LMX1B: variants seen among roughly 807,000 people sequenced by gnomAD.
The protein encoded by LMX1B is LIM homeobox transcription factor 1-beta.
A neutral mutation model predicts 51.4 loss-of-function variants in LMX1B; 12 were observed. That is an observed-to-expected ratio of 0.23 (90% CI 0.15 to 0.38). The LOEUF (loss-of-function observed/expected upper bound fraction) is 0.38. Among genes scored for constraint, LMX1B ranks in the 10% least tolerant of loss-of-function variants. The pLI, the probability that LMX1B is intolerant of heterozygous loss-of-function variation, is 1.00. For synonymous variants in LMX1B, 237 were observed against 235.4 expected (o/e 1.01, Z -0.06); for missense variants, 445 against 571.1 (o/e 0.78, Z 2.25).
In LMX1B at chr9:126,651,171, CCTT is replaced by C. The variant is rs1835997980; in HGVS notation, c.326+35605_326+35607del. Reference sequence around the variant, plus strand: ...CCTCCCCATCTCTCTCTCTCTCCCTCCTTCTCTCCGTGCTGGGGCTGACTGATC... The same window carrying C: ...CCTCCCCATCTCTCTCTCTCTCCCTCCTCTCCGTGCTGGGGCTGACTGATC... On this transcript the variant is annotated intron_variant, in intron 2 of 7. Transcript: ENST00000373474. Among the ~76,000 whole-genome samples the C allele has an allele frequency of 7.9e-5, 12 of 152,064 alleles. No homozygotes were observed. The South Asian group carries it at 2.3e-3, about 29-fold the overall frequency.
chr9:126,623,871 G>A (rs980315851), intron 2 of LMX1B, among the ~76,000 whole-genome samples: 6 of 152,206 alleles, frequency 3.9e-5, no homozygotes, highest in Non-Finnish European at 7.3e-5. Context: ...ACGCGGATGG[G>A]GCGGCTTTCA....
chr9:126,694,600 C>T (rs559942852), intron 6 of LMX1B, among the ~76,000 whole-genome samples: 1 of 152,300 alleles, frequency 6.6e-6, no homozygotes, highest in African/African-American at 2.4e-5. Flanking sequence ...CTGAAGCAGG[C>T]GGGGGACAGA....
chr9:126,635,412 C>A (rs542323062), intron 2 of LMX1B, among the ~76,000 whole-genome samples: 1 of 152,174 alleles, frequency 6.6e-6, no homozygotes, highest in South Asian at 2.1e-4. Context: ...GATGCTATGG[C>A]GAGGGCACTC....
chr9:126,667,455 T>C (rs1836363419), intron 2 of LMX1B, among the ~76,000 whole-genome samples: 1 of 152,246 alleles, frequency 6.6e-6, no homozygotes, highest in South Asian at 2.1e-4. Context: ...CATATATCTT[T>C]GTGCGCATGT....
At chr9:126,637,202 T>G (rs1835729959) in intron 2 of LMX1B, among the ~76,000 whole-genome samples, 1 of 152,212 alleles carries the variant, frequency 6.6e-6, no homozygotes, top group South Asian at 2.1e-4. Flanking sequence ...ACCGGCAGCA[T>G]CTGGAGAGGC....
rs1318353632 is a variant in LMX1B at position 126,698,534 on chromosome 9, C to G, written c.*2083C>G. 1 of 152,352 alleles carries G rather than the reference C, an allele frequency of 6.6e-6. No individual in the cohort carries two copies. The highest frequency in any genetic ancestry group is 1.5e-5 in the Non-Finnish European group (1 of 68,142). The allele number at this position is 152,352 out of a possible 1,614,324, so 9.4% of individuals were successfully genotyped here. On this transcript the variant is annotated 3_prime_UTR_variant, in exon 8 of 8. Transcript: ENST00000373474. Reference sequence around the variant, plus strand: ...CCAGCCCCAGTCTGCTCAACTCTATCCCTGTCAGAGCAAGGAGGCTGGGCT... The same window carrying G: ...CCAGCCCCAGTCTGCTCAACTCTATGCCTGTCAGAGCAAGGAGGCTGGGCT...
chr9:126,640,092 A>T (rs1835781263), intron 2 of LMX1B, among the ~76,000 whole-genome samples: 1 of 152,218 alleles, frequency 6.6e-6, no homozygotes, highest in African/African-American at 2.4e-5. Flanking sequence ...TAGAAAGAAG[A>T]AGGGAGGAGG....
chr9:126,691,096 G>A (rs1411710641), intron 3 of LMX1B, 28 bp downstream of exon 3: 18 of 1,571,010 alleles, frequency 1.1e-5, no homozygotes, highest in Non-Finnish European at 1.6e-5. Context: ...CTGGGGGCAG[G>A]CCTCAGGGAC....
chr9:126,696,883 C>T lies in LMX1B; in HGVS notation c.*432C>T, dbSNP rs2030356784. On this transcript the variant is annotated 3_prime_UTR_variant, in exon 8 of 8. Coordinates refer to ENST00000373474, the MANE Select transcript of LMX1B (RefSeq NM_001174147.2). Reference sequence around the variant, plus strand: ...CTGAGAAGCGTGTGTACCTGTGCCCCAGCAAGGGCAGGGGTGGCCTCTGGG... The same window carrying T: ...CTGAGAAGCGTGTGTACCTGTGCCCTAGCAAGGGCAGGGGTGGCCTCTGGG... 4.6e-6 allele frequency: 1 copy of T among 216,412 alleles called. No individual in the cohort carries two copies. Among genetic ancestry groups the T allele is most frequent in the Admixed American group, 5.2e-5 (1 of 19,052 alleles). The allele number at this position is 216,412 out of a possible 1,614,324, so 13.4% of individuals were successfully genotyped here. A position where few individuals can be genotyped will look rare whatever the true frequency, so the allele number is the denominator to read the frequency against.
rs1836490561 is a variant in LMX1B at position 126,673,160 on chromosome 9, G to A, written c.327-17676G>A. 6.6e-6 allele frequency among the ~76,000 whole-genome samples: 1 copy of A among 152,230 alleles called. No homozygotes were observed. The highest frequency in any genetic ancestry group is 6.5e-5 in the Admixed American group (1 of 15,292). Reference sequence around the variant, plus strand: ...TTGCCTTCCAGGGTCGAGAGGAGATGAGAACTCCAGAAGCTCGGGCCAGAG... The same window carrying A: ...TTGCCTTCCAGGGTCGAGAGGAGATAAGAACTCCAGAAGCTCGGGCCAGAG... On this transcript the variant is annotated intron_variant, in intron 2 of 7. Coordinates refer to ENST00000373474, the MANE Select transcript of LMX1B (RefSeq NM_001174147.2). This position sits in a 1 kb window ranked among gnomAD's most constrained non-coding sequence, Gnocchi z 4.4.
At chr9:126,640,722 C>G (rs1313009119) in intron 2 of LMX1B, 1 of 152,286 alleles carries the variant, frequency 6.6e-6, no homozygotes, top group South Asian at 2.1e-4. Context: ...TGTGCTGGTC[C>G]TTTTTTCAGG....
chr9:126,675,885 T>TA (rs1836547423), intron 2 of LMX1B, among the ~76,000 whole-genome samples: 1 of 150,004 alleles, frequency 6.7e-6, no homozygotes, highest in Non-Finnish European at 1.5e-5. Context: ...CCGTCTCTAC[T>TA]AAAAATACAA....
chr9:126,698,814 T>TC lies in LMX1B; in HGVS notation c.*2369dup, dbSNP rs1039097309. The TC allele has an allele frequency of 1.3e-5, 2 of 152,312 alleles. No homozygotes were observed. The highest frequency in any genetic ancestry group is 2.4e-5 in the African/African-American group (1 of 41,412). The allele number at this position is 152,312 out of a possible 1,614,324, so 9.4% of individuals were successfully genotyped here. A position where few individuals can be genotyped will look rare whatever the true frequency, so the allele number is the denominator to read the frequency against. ...TGCTCCCGTTTGCTGGGAAATTCAG[T>TC]CCCCCCAGAATGTCCTGGGCCAACC... On this transcript the variant is annotated 3_prime_UTR_variant, in exon 8 of 8. Transcript: ENST00000373474.
chr9:126,675,793 T>TA (rs1027521023), intron 2 of LMX1B, among the ~76,000 whole-genome samples: 12 of 148,216 alleles, frequency 8.1e-5, no homozygotes. Context: ...CTCACGCCTG[T>TA]AATCCCAGCA....
chr9:126,660,397 G>A (rs1836222015), intron 2 of LMX1B, among the ~76,000 whole-genome samples: 2 of 152,138 alleles, frequency 1.3e-5, no homozygotes, highest in South Asian at 4.1e-4. Flanking sequence ...GTGTACAACT[G>A]CTTGGAGCTG....
chr9:126,660,330 C>T (rs75154623), intron 2 of LMX1B, among the ~76,000 whole-genome samples: 27 of 151,946 alleles, frequency 1.8e-4, no homozygotes, highest in Non-Finnish European at 3.1e-4. Flanking sequence ...TGTGTGTCTA[C>T]GCTGGCCTTA....
At chr9:126,691,192 C>T (rs2030117805) in intron 3 of LMX1B, 124 bp downstream of exon 3, 16 of 680,602 alleles carry the variant, frequency 2.4e-5, no homozygotes, top group South Asian at 1.1e-4. Context: ...ACAGATGGTA[C>T]ATGCATATCC....
chr9:126,616,691 C>G (rs886770214), intron 2 of LMX1B, among the ~76,000 whole-genome samples: 1 of 152,182 alleles, frequency 6.6e-6, no homozygotes, highest in African/African-American at 2.4e-5. Flanking sequence ...GCTGGGCTGC[C>G]GGCGCCTCGT....
At chr9:126,650,292 G>C (rs960594358) in intron 2 of LMX1B, among the ~76,000 whole-genome samples, 1 of 152,212 alleles carries the variant, frequency 6.6e-6, no homozygotes, top group Admixed American at 6.5e-5. Context: ...CCATCTGTAG[G>C]GTCACAGACC....
Sources: gnomAD v4.1 joint callset for allele counts (sites outside exome capture counted in the v4.1 genomes callset) on GRCh38, gnomAD v4.1.1 for gene constraint, Gnocchi (gnomAD v3.1) non-coding constraint, MANE v1.5 for transcripts, NCBI Gene and HGNC (gene_info 2026-07-23, HGNC 2026-07-21) for gene names.